Variants in SP140L observed in about 807,000 individuals in gnomAD.
SP140L encodes the protein SP140 like nuclear body protein, also known as nuclear body protein SP140-like protein.
A neutral mutation model predicts 84.3 loss-of-function variants in SP140L; 64 were observed. That is an observed-to-expected ratio of 0.76 (90% confidence interval 0.62 to 0.94). SP140L has a LOEUF of 0.94. Ranked by LOEUF, SP140L falls within the 40% of genes least tolerant of loss-of-function variation. The pLI is 0.00. For synonymous variants in SP140L, 242 were observed against 236.9 expected, an observed-to-expected ratio of 1.02 and a Z score of -0.20; for missense variants, 628 against 692.5, an observed-to-expected ratio of 0.91 and a Z score of 1.05.
At chr2:230,331,550 A>T (rs2149672830) in intron 2 of SP140L, among the ~76,000 whole-genome samples, 1 of 152,324 alleles carries the variant, frequency 6.6e-6, no homozygotes, top group African/African-American at 2.4e-5. Context: ...TCTTGCTGGG[A>T]TTCAACTGAG....
At chr2:230,350,898 T>C (rs968907962) in intron 2 of SP140L, among the ~76,000 whole-genome samples, 1 of 152,102 alleles carries the variant, frequency 6.6e-6, no homozygotes, top group African/African-American at 2.4e-5. Context: ...AAACAGTCAA[T>C]ATCAATTCCC....
At chr2:230,371,100 C>T in intron 6 of SP140L, 133 bp downstream of exon 6, 1 of 724,102 alleles carries the variant, frequency 1.4e-6, no homozygotes, top group East Asian at 2.7e-5. Context: ...CTTTGGGGAA[C>T]TGCAGAGAGG....
chr2:230,354,941 AAAG>A (rs2060498048), intron 2 of SP140L, among the ~76,000 whole-genome samples: 3 of 149,410 alleles, frequency 2.0e-5, no homozygotes, highest in South Asian at 4.2e-4. Flanking sequence ...AGAAAAAGAA[AAAG>A]AAAGAAAGAG....
In SP140L at chr2:230,359,069, T is replaced by G. The variant is rs2060635666; in HGVS notation, c.376T>G (p.Phe126Val). ...TFNLSVLEAL[F>V]SEVNMQEYPD... ...TAACCTGTCAGTTTTGGAAGCACTG[T>G]TCAGCGAGGTCAACATGCAGGAATA... is the stretch of plus-strand genomic sequence containing the variant. The change falls in exon 4 of 19, where the codon TTC (phenylalanine) becomes GTC (valine). Residue 126 changes from phenylalanine (F) to valine (V), a missense_variant. By Grantham distance (50) the Phe-to-Val change is conservative. This residue lies in a region of SP140L where 525 missense variants were observed against 518.4 expected (regional missense o/e 1.01). Coordinates refer to ENST00000415673, the MANE Select transcript of SP140L (RefSeq NM_138402.6). The G allele has an allele frequency of 1.9e-6, 3 of 1,613,588 alleles. No homozygotes were observed. The highest frequency in any genetic ancestry group is 2.5e-6 in the Non-Finnish European group (3 of 1,179,906).
chr2:230,399,945 C>T (rs2062235524), intron 14 of SP140L, 182 bp from the exon 15 acceptor site: 1 of 559,486 alleles, frequency 1.8e-6, no homozygotes, highest in East Asian at 2.9e-5. Context: ...TCCTCCTGAA[C>T]TTCACTGCAG....
chr2:230,393,275 TG>T (rs2061902281), intron 12 of SP140L, 138 bp from the exon 13 acceptor site: 1 of 856,916 alleles, frequency 1.2e-6, no homozygotes, highest in Non-Finnish European at 1.8e-6. Flanking sequence ...GACAGGGAGA[TG>T]GTTTCTCATT....
intron 8 of SP140L, 61 bp from the exon 9 acceptor site, chr2:230,385,163 C>T: frequency 6.4e-7 from 1 of 1,557,612 alleles, no homozygotes; most frequent in Non-Finnish European, 8.8e-7. Context: ...GCGTTTGGTC[C>T]AGCCTGTGAG....
intron 1 of SP140L, among the ~76,000 whole-genome samples, chr2:230,328,326 C>G (rs1172731807): frequency 6.6e-6 from 1 of 152,190 alleles, no homozygotes; most frequent in African/African-American, 2.4e-5. Flanking sequence ...CATAACTTTT[C>G]TCATATTTTT....
chr2:230,331,233 A>G (rs879523135), intron 2 of SP140L, among the ~76,000 whole-genome samples: 21 of 152,202 alleles, frequency 1.4e-4, no homozygotes, highest in Non-Finnish European at 2.9e-4. Context: ...TTATTACAGT[A>G]TATTGTTATA....
intron 2 of SP140L, among the ~76,000 whole-genome samples, chr2:230,335,862 G>C (rs1439563833): frequency 1.3e-5 from 2 of 152,136 alleles, no homozygotes; most frequent in Non-Finnish European, 2.9e-5. Context: ...GCTGGTACAG[G>C]TTCTTGTCTT....
intron 2 of SP140L, among the ~76,000 whole-genome samples, chr2:230,339,212 G>A (rs1335464473): frequency 6.6e-6 from 1 of 151,896 alleles, no homozygotes; most frequent in Non-Finnish European, 1.5e-5. Context: ...ACTTCTTCCT[G>A]GTTTAGTCTC....
intron 2 of SP140L, among the ~76,000 whole-genome samples, chr2:230,348,765 A>T (rs73110339): frequency 0.12 from 18,313 of 152,198 alleles, 1,152 homozygotes; most frequent in Middle Eastern, 0.15. Flanking sequence ...CATGCTTTTG[A>T]TGTTGTAGCT....
chr2:230,363,354 A>G (rs774260865), intron 5 of SP140L, among the ~76,000 whole-genome samples: 2 of 152,218 alleles, frequency 1.3e-5, no homozygotes, highest in Admixed American at 6.5e-5. Flanking sequence ...GATAATAGCC[A>G]TTCTAACCTG....
At chr2:230,344,822 G>A (rs1490995757) in intron 2 of SP140L, among the ~76,000 whole-genome samples, 1 of 152,142 alleles carries the variant, frequency 6.6e-6, no homozygotes, top group Non-Finnish European at 1.5e-5. Flanking sequence ...ATACCTTACA[G>A]AATTTATGAA....
rs1418530191 is a variant in SP140L at position 230,401,676 on chromosome 2, T to C, written c.1513T>C (p.Cys505Arg). Residue 505 changes from cysteine (C) to arginine (R), a missense_variant, in exon 18 of 19, where the codon TGT (cysteine) becomes CGT (arginine). By Grantham distance (180) the Cys-to-Arg change is radical. Transcript: ENST00000415673. ...TATTTGTCACCAGATTAGAGAGGCG[T>C]GTCAAGGCCTGAAGGAGCCCATGTG... is the stretch of plus-strand genomic sequence containing the variant. ...IPYYYYIREA[C>R]QGLKEPMWLD... 7.3e-7 allele frequency: 1 copy of C among 1,369,526 alleles called. No individual in the cohort carries two copies. Among genetic ancestry groups the C allele is most frequent in the East Asian group, 2.3e-5 (1 of 44,208 alleles). 84.8% of individuals were successfully genotyped at this position (1,369,526 alleles called of 1,614,324 possible). A position where few individuals can be genotyped will look rare whatever the true frequency, so the allele number is the denominator to read the frequency against.
chr2:230,357,792 C>T lies in SP140L; in HGVS notation c.108-13C>T, dbSNP rs778068060. ...CTTGATGACCATTTTCATTTGGTGT[C>T]CTTTTTCCTTAGGCTGTTCACGGAA... On this transcript the variant is annotated splice_polypyrimidine_tract_variant and intron_variant, in intron 2 of 18. Coordinates refer to ENST00000415673, the MANE Select transcript of SP140L (RefSeq NM_138402.6). 1.3e-6 allele frequency: 2 copies of T among 1,594,004 alleles called. No homozygotes were observed. Among genetic ancestry groups the T allele is most frequent in the East Asian group, 2.2e-5 (1 of 44,698 alleles).
chr2:230,372,803 G>T (rs2061128880), intron 7 of SP140L: 1 of 151,812 alleles, frequency 6.6e-6, no homozygotes, highest in Non-Finnish European at 1.5e-5. Context: ...GAAGTTTAGT[G>T]AGGAAGCTAT....
Position 230,353,816 on chromosome 2 carries a change from A to G in SP140L, c.108-3989A>G, listed in dbSNP as rs1353502162. On this transcript the variant is annotated intron_variant, in intron 2 of 18. Coordinates refer to ENST00000415673, the MANE Select transcript of SP140L (RefSeq NM_138402.6). The stretch of plus-strand genomic sequence containing the variant: ...TCTTGTTTTATTTCTCTAAAAATGC[A>G]AACTATGTTTGCTCTTTATTTTTAT... Among the ~76,000 whole-genome samples the G allele has an allele frequency of 1.8e-4, 27 of 152,056 alleles. 1 individual carries two copies. Among genetic ancestry groups the G allele is most frequent in the Admixed American group, 1.8e-3 (27 of 15,284 alleles).
chr2:230,352,208 A>G lies in SP140L; in HGVS notation c.108-5597A>G, dbSNP rs1559417765. ...ACTTATGTCTTTCCAAATAAGAACT[A>G]GTAAGTTTTATATGTCTATTTTTTA... On this transcript the variant is annotated intron_variant, in intron 2 of 18. Transcript: ENST00000415673. Among the ~76,000 whole-genome samples, 5 of 152,158 alleles carry G rather than the reference A, an allele frequency of 3.3e-5. 1 individual carries two copies. The highest frequency in any genetic ancestry group is 2.6e-4 in the Admixed American group (4 of 15,274).
Sources: allele counts gnomAD v4.1 joint callset (sites outside exome capture counted in the v4.1 genomes callset), GRCh38; gene constraint gnomAD v4.1.1; regional missense constraint gnomAD v4.1.1; transcripts MANE v1.5; gene names NCBI Gene and HGNC (gene_info 2026-07-23, HGNC 2026-07-21).